Variants in GATAD2B observed in about 807,000 individuals in gnomAD.
GATAD2B encodes the protein GATA zinc finger domain containing 2B, also known as transcriptional repressor p66-beta.
In GATAD2B, 8 loss-of-function variants were observed where a neutral mutation model predicts 64.3. That is an observed-to-expected ratio of 0.12 (90% CI 0.07 to 0.22). GATAD2B has a LOEUF of 0.22. Ranked by LOEUF, GATAD2B falls within the 10% of genes least tolerant of loss-of-function variation. The probability of loss-of-function intolerance (pLI) is 1.00; values close to 1 mark genes in which losing one functional copy is unlikely to be tolerated. For missense variants in GATAD2B, 453 were observed against 752.0 expected (o/e 0.60, Z 4.65); for synonymous variants, 281 against 271.3 (o/e 1.04, Z -0.35).
chr1:153,862,930 G>A (rs1050704552), intron 1 of GATAD2B, among the ~76,000 whole-genome samples: 3 of 151,350 alleles, frequency 2.0e-5, no homozygotes, highest in Admixed American at 2.0e-4. Context: ...CTTCATGTTG[G>A]TCAGGCTGAT....
At chr1:153,880,982 GTGTA>G (rs1272794766) in intron 1 of GATAD2B, among the ~76,000 whole-genome samples, 13 of 152,232 alleles carry the variant, frequency 8.5e-5, no homozygotes, top group African/African-American at 2.9e-4. Context: ...AAGGAAAAAA[GTGTA>G]TGTGTGGATG....
At chr1:153,894,513 T>C (rs921239487) in intron 1 of GATAD2B, among the ~76,000 whole-genome samples, 1 of 151,920 alleles carries the variant, frequency 6.6e-6, no homozygotes, top group Non-Finnish European at 1.5e-5. Flanking sequence ...TCTATCTGGG[T>C]GGTCACCTTA....
At chr1:153,823,714 C>CTTTTTTTTTTTTTTTTTTT (rs894778245) in intron 2 of GATAD2B, among the ~76,000 whole-genome samples, 1 of 139,192 alleles carries the variant, frequency 7.2e-6, no homozygotes, top group African/African-American at 2.7e-5. Context: ...ATCGGTTTTG[C>CTTTTTTTTTTTTTTTTTTT]TTTTTTTTTT....
chr1:153,819,952 G>A (rs1674620271), intron 2 of GATAD2B, among the ~76,000 whole-genome samples: 1 of 152,028 alleles, frequency 6.6e-6, no homozygotes, highest in Non-Finnish European at 1.5e-5. Flanking sequence ...TAAAAAATTA[G>A]CTGCGCATGG....
At chr1:153,888,987 C>T (rs1179876822) in intron 1 of GATAD2B, among the ~76,000 whole-genome samples, 1 of 152,092 alleles carries the variant, frequency 6.6e-6, no homozygotes, top group Non-Finnish European at 1.5e-5. Flanking sequence ...GACTTAAGAG[C>T]CCCAAACCAT....
chr1:153,823,618 G>A (rs1312820121), intron 2 of GATAD2B, among the ~76,000 whole-genome samples: 1 of 151,914 alleles, frequency 6.6e-6, no homozygotes, highest in African/African-American at 2.4e-5. Context: ...CCAAAGTGCT[G>A]GGAATACAGG....
intron 1 of GATAD2B, among the ~76,000 whole-genome samples, chr1:153,915,741 TAAAAAA>T (rs56236211): frequency 2.0e-4 from 20 of 98,096 alleles, no homozygotes; most frequent in African/African-American, 6.7e-4. Flanking sequence ...CTTGTCTATA[TAAAAAA>T]AAAAAAAAAA....
chr1:153,878,197 C>A (rs1213801943), intron 1 of GATAD2B, among the ~76,000 whole-genome samples: 1 of 148,612 alleles, frequency 6.7e-6, no homozygotes, highest in Non-Finnish European at 1.5e-5. Flanking sequence ...GAGACAGGGT[C>A]TCACTTTGTT....
chr1:153,886,487 A>G (rs1042997937), intron 1 of GATAD2B: 4 of 149,454 alleles, frequency 2.7e-5, no homozygotes, highest in African/African-American at 9.9e-5. Flanking sequence ...TCAGATCAGT[A>G]TTAGAACCAT....
chr1:153,876,519 G>A (rs916516243), intron 1 of GATAD2B, among the ~76,000 whole-genome samples: 2 of 152,122 alleles, frequency 1.3e-5, no homozygotes, highest in African/African-American at 4.8e-5. Context: ...ACCTTGCAGT[G>A]GGTAACATAC....
At chr1:153,825,486 C>T (rs777164214) in intron 2 of GATAD2B, among the ~76,000 whole-genome samples, 10 of 152,088 alleles carry the variant, frequency 6.6e-5, no homozygotes, top group Non-Finnish European at 1.0e-4. Flanking sequence ...TGCAGTGGCA[C>T]GATCTCAGCT....
At chr1:153,826,499 G>A (rs938361937) in intron 2 of GATAD2B, among the ~76,000 whole-genome samples, 2 of 152,104 alleles carry the variant, frequency 1.3e-5, no homozygotes, top group Admixed American at 6.5e-5. Flanking sequence ...GTGCAGGCAC[G>A]CGCCTGTAAT....
At position 153,828,050 on chromosome 1, in the gene GATAD2B, T is replaced by A; in HGVS notation, c.298A>T (p.Ile100Phe). ...CTCATATCCACAGGCTCATCATTGATGTTTTCTTTGCCTGGCCTTCCAGCA... is the reference window on the plus strand; with the variant it reads ...CTCATATCCACAGGCTCATCATTGAAGTTTTCTTTGCCTGGCCTTCCAGCA... ...RTAGRPGKEN[I>F]NDEPVDMSAR... The change falls in exon 2 of 11, where the codon ATC becomes TTC. Residue 100 changes from isoleucine to phenylalanine, a missense_variant. This residue lies in a region of GATAD2B where 293 missense variants were observed against 417.2 expected (regional missense o/e 0.70). Transcript: ENST00000368655. 1 of 1,614,188 alleles carries A rather than the reference T, an allele frequency of 6.2e-7. No homozygotes were observed. Among genetic ancestry groups the A allele is most frequent in the African/African-American group, 1.3e-5 (1 of 75,046 alleles).
chr1:153,819,850 G>T, intron 2 of GATAD2B, 115 bp from the exon 3 acceptor site: 2 of 815,640 alleles, frequency 2.5e-6, no homozygotes, highest in Non-Finnish European at 3.7e-6. Flanking sequence ...TGTAATCCTA[G>T]CACTTTGGGA....
At position 153,817,470 on chromosome 1, in the gene GATAD2B, G is replaced by A. The variant is rs1674518827; in HGVS notation, c.802C>T (p.Pro268Ser). The change falls in exon 6 of 11, where the codon CCA becomes TCA. Residue 268 changes from proline (P) to serine (S), a missense_variant. Physicochemically the swap from Pro to Ser is moderately conservative, Grantham distance 74. Transcript: ENST00000368655. ...TGACCCTGTAGCTGGGCTGGGTTTGGTGCAATAACACGTTGAGACATCAAC... is the reference window on the plus strand; with the variant it reads ...TGACCCTGTAGCTGGGCTGGGTTTGATGCAATAACACGTTGAGACATCAAC... The part of the protein sequence containing the change: ...HMLMSQRVIA[P>S]NPAQLQGQRG... The A allele has an allele frequency of 1.2e-6, 2 of 1,613,488 alleles. No homozygotes were observed. Among genetic ancestry groups the A allele is most frequent in the African/African-American group, 2.7e-5 (2 of 74,918 alleles).
chr1:153,878,264 C>T (rs1040219830), intron 1 of GATAD2B, among the ~76,000 whole-genome samples: 6 of 151,490 alleles, frequency 4.0e-5, no homozygotes, highest in African/African-American at 1.5e-4. Context: ...CCACCCCAGC[C>T]TCCCGAGTAG....
At chr1:153,883,527 C>CA (rs1677067607) in intron 1 of GATAD2B, among the ~76,000 whole-genome samples, 1 of 152,148 alleles carries the variant, frequency 6.6e-6, no homozygotes, top group African/African-American at 2.4e-5. Flanking sequence ...ATGTCGCAAG[C>CA]AAAATAGATT....
At position 153,810,924 on chromosome 1, in the gene GATAD2B, G is replaced by A. The variant is rs189444916; in HGVS notation, c.1649-614C>T. On this transcript the variant is annotated intron_variant, in intron 10 of 10. Coordinates refer to ENST00000368655, the MANE Select transcript of GATAD2B (RefSeq NM_020699.4). Reference sequence around the variant, plus strand: ...GATTACAGGCACCAGCCACCACGCCGGGCTAATTTTTTGTATTTTCAGTAG... The same window carrying A: ...GATTACAGGCACCAGCCACCACGCCAGGCTAATTTTTTGTATTTTCAGTAG... Among the ~76,000 whole-genome samples, 645 of 151,028 alleles carry A rather than the reference G, an allele frequency of 4.3e-3. 4 individuals are homozygous for A. Among genetic ancestry groups the A allele is most frequent in the Non-Finnish European group, 5.2e-3 (353 of 67,810 alleles).
intron 1 of GATAD2B, among the ~76,000 whole-genome samples, chr1:153,874,563 A>G (rs1457961297): frequency 6.6e-6 from 1 of 151,758 alleles, no homozygotes; most frequent in East Asian, 1.9e-4. Flanking sequence ...TTATTTATCT[A>G]TTTTTGGGGT....
Sources: gnomAD v4.1 joint callset for allele counts (sites outside exome capture counted in the v4.1 genomes callset) on GRCh38, gnomAD v4.1.1 for gene constraint, gnomAD v4.1.1 regional missense constraint, MANE v1.5 for transcripts, NCBI Gene and HGNC (gene_info 2026-07-23, HGNC 2026-07-21) for gene names.